Variants in RAB27B observed in about 807,000 individuals in gnomAD.
The protein encoded by RAB27B is ras-related protein Rab-27B.
In RAB27B, 15 loss-of-function variants were observed where a neutral mutation model predicts 24.6. The observed-to-expected ratio is 0.61, with a 90% CI of 0.41 to 0.94. RAB27B has a LOEUF of 0.94. Among genes scored for constraint, RAB27B ranks in the 40% least tolerant of loss-of-function variants. The pLI is 0.00. For synonymous variants in RAB27B, 105 were observed against 92.5 expected (o/e 1.14, Z -0.78); for missense variants, 261 against 266.8 (o/e 0.98, Z 0.15).
At chr18:54,772,497 G>A (rs901107014) in intron 2 of RAB27B, among the ~76,000 whole-genome samples, 3 of 152,138 alleles carry the variant, frequency 2.0e-5, no homozygotes, top group Non-Finnish European at 2.9e-5. Flanking sequence ...TTGTTCCTAC[G>A]ATTCCACACA....
At chr18:54,799,563 G>A (rs1909530551) in intron 2 of RAB27B, among the ~76,000 whole-genome samples, 1 of 148,246 alleles carries the variant, frequency 6.7e-6, no homozygotes, top group Admixed American at 6.8e-5. Flanking sequence ...CAAAAGCAAG[G>A]TATACTTGCA....
chr18:54,742,602 T>A (rs1272774236), intron 2 of RAB27B, among the ~76,000 whole-genome samples: 3 of 152,242 alleles, frequency 2.0e-5, no homozygotes, highest in African/African-American at 7.2e-5. Context: ...ATTTGCATTT[T>A]CTGAGTATAA....
chr18:54,788,809 C>T (rs1449080014), intron 2 of RAB27B, among the ~76,000 whole-genome samples: 2 of 137,346 alleles, frequency 1.5e-5, no homozygotes, highest in Non-Finnish European at 3.1e-5. Context: ...GGAGCCTCTG[C>T]TTCCATCCCA....
At chr18:54,846,774 A>G (rs1450815244) in intron 1 of RAB27B, among the ~76,000 whole-genome samples, 1 of 152,250 alleles carries the variant, frequency 6.6e-6, no homozygotes, top group African/African-American at 2.4e-5. Context: ...ACTTTATGCC[A>G]CAAAGCACAT....
chr18:54,821,769 T>C (rs780173742), intron 2 of RAB27B, among the ~76,000 whole-genome samples: 1 of 152,262 alleles, frequency 6.6e-6, no homozygotes, highest in East Asian at 1.9e-4. Context: ...TTTTATTTTT[T>C]TGAGATGGCG....
chr18:54,815,006 C>T (rs1391861237), intron 2 of RAB27B, among the ~76,000 whole-genome samples: 3 of 152,074 alleles, frequency 2.0e-5, no homozygotes, highest in Admixed American at 1.3e-4. Context: ...CCTAAGAAGT[C>T]TTTACAGGCA....
intron 2 of RAB27B, among the ~76,000 whole-genome samples, chr18:54,799,772 G>A (rs2145127207): frequency 6.6e-6 from 1 of 151,988 alleles, no homozygotes; most frequent in Middle Eastern, 3.4e-3. Context: ...TGGGATTACA[G>A]GCGTCCACCA....
chr18:54,865,255 G>GTGTA (rs1912169580), intron 1 of RAB27B, among the ~76,000 whole-genome samples: 1 of 151,446 alleles, frequency 6.6e-6, no homozygotes, highest in African/African-American at 2.4e-5. Flanking sequence ...GTGTGTGTGT[G>GTGTA]TGTGTGTGTG....
intron 2 of RAB27B, among the ~76,000 whole-genome samples, chr18:54,736,504 C>A (rs1169714406): frequency 6.6e-6 from 1 of 151,878 alleles, no homozygotes; most frequent in Non-Finnish European, 1.5e-5. Context: ...CTATTAGGTG[C>A]CTATTACATG....
chr18:54,869,854 G>A (rs1278157729), intron 1 of RAB27B, among the ~76,000 whole-genome samples: 1 of 152,122 alleles, frequency 6.6e-6, no homozygotes, highest in Non-Finnish European at 1.5e-5. Context: ...CTCCATATAA[G>A]TACATTTGAA....
intron 2 of RAB27B, among the ~76,000 whole-genome samples, chr18:54,818,067 C>T (rs928817132): frequency 6.6e-5 from 10 of 152,086 alleles, no homozygotes; most frequent in African/African-American, 2.2e-4. Flanking sequence ...TCTTGTTATC[C>T]AAATCTTAGT....
rs1413014944 is a variant in RAB27B, at chr18:54,892,999, T to C, written c.*3586T>C. Reference sequence around the variant, plus strand: ...AATATGATGTTCTTTAAGCTGCAAATTGAGTACACTGGGAATCAACAAATT... The same window carrying C: ...AATATGATGTTCTTTAAGCTGCAAACTGAGTACACTGGGAATCAACAAATT... On this transcript the variant is annotated 3_prime_UTR_variant, in exon 6 of 6. Coordinates refer to ENST00000262094, the MANE Select transcript of RAB27B (RefSeq NM_004163.4). 6.6e-6 allele frequency: 1 copy of C among 151,988 alleles called. No homozygotes were observed. Among genetic ancestry groups the C allele is most frequent in the African/African-American group, 2.4e-5 (1 of 41,410 alleles). 9.4% of individuals were successfully genotyped at this position (151,988 alleles called of 1,614,324 possible).
intron 1 of RAB27B, among the ~76,000 whole-genome samples, chr18:54,873,956 C>T (rs1912586994): frequency 6.6e-6 from 1 of 152,090 alleles, no homozygotes; most frequent in African/African-American, 2.4e-5. Flanking sequence ...GTGTCCAGCA[C>T]CCTTCACTTA....
chr18:54,786,850 C>A (rs959955077), intron 2 of RAB27B, among the ~76,000 whole-genome samples: 5 of 152,176 alleles, frequency 3.3e-5, no homozygotes, highest in Admixed American at 6.5e-5. Context: ...AGCTATTAAG[C>A]GATAAACATG....
chr18:54,755,648 GCA>G (rs1907981129), intron 2 of RAB27B, among the ~76,000 whole-genome samples: 1 of 152,138 alleles, frequency 6.6e-6, no homozygotes, highest in African/African-American at 2.4e-5. Flanking sequence ...AGTATGGTCT[GCA>G]TCAGATCACT....
At chr18:54,801,791 G>T (rs1251910282) in intron 2 of RAB27B, among the ~76,000 whole-genome samples, 4 of 152,182 alleles carry the variant, frequency 2.6e-5, no homozygotes, top group African/African-American at 7.2e-5. Flanking sequence ...CTTAAGATTT[G>T]GGACCTTTGA....
At chr18:54,809,035 C>A (rs1909881287) in intron 2 of RAB27B, among the ~76,000 whole-genome samples, 2 of 152,154 alleles carry the variant, frequency 1.3e-5, no homozygotes, top group African/African-American at 4.8e-5. Context: ...ATGATCAATT[C>A]TTTGGTTGAA....
rs936325667 is a variant in RAB27B, at chr18:54,762,577, C to G, written c.-20+44436C>G. 2.0e-5 allele frequency among the ~76,000 whole-genome samples: 3 copies of G among 152,170 alleles called. No homozygotes were observed. In the South Asian group the frequency reaches 6.2e-4, roughly 32 times the overall value. On this transcript the variant is annotated intron_variant, in intron 2 of 4. Coordinates refer to the RAB27B transcript ENST00000586570. ...ATCCAAAGCACAATCCTGACTTGAG[C>G]CTTGACACTTGCTATTTCCTCTCTT...
intron 2 of RAB27B, among the ~76,000 whole-genome samples, chr18:54,815,850 C>T (rs911329193): frequency 1.4e-4 from 22 of 152,064 alleles, no homozygotes; most frequent in African/African-American, 4.8e-4. Flanking sequence ...TCTCGAACTC[C>T]TGACCTCAAG....
Sources: gnomAD v4.1 joint callset for allele counts (sites outside exome capture counted in the v4.1 genomes callset) on GRCh38, gnomAD v4.1.1 for gene constraint, MANE v1.5 for transcripts, NCBI Gene and HGNC (gene_info 2026-07-23, HGNC 2026-07-21) for gene names.